The following MTA1 variants were observed in gnomAD, a reference collection of about 807,000 sequenced individuals.
MTA1 encodes metastasis-associated protein MTA1.
A neutral mutation model predicts 97.0 loss-of-function variants in MTA1; 15 were observed. That is an observed-to-expected ratio of 0.15 (90% CI 0.10 to 0.24). The LOEUF is 0.24. Among genes scored for constraint, MTA1 ranks in the 10% least tolerant of loss-of-function variants. MTA1 has a pLI of 1.00. For missense variants in MTA1, 709 were observed against 1,015.1 expected (o/e 0.70, Z 4.10); for synonymous variants, 435 against 417.5 (o/e 1.04, Z -0.51).
chr14:105,460,701 T>C, intron 9 of MTA1, 64 bp from the exon 10 acceptor site: 1 of 1,463,752 alleles, frequency 6.8e-7, no homozygotes, highest in Non-Finnish European at 9.1e-7. Context: ...AGGGAGGGGG[T>C]ACCGTGCCAC....
rs1353524047 is a variant in MTA1 at position 105,424,325 on chromosome 14, C to A, written c.28+4262C>A. ...TCTCCTGCCTCAGCCTCCCAAGTAGCTGGGACTACAGGCGCCCGCCACCAT... is the reference window on the plus strand; with the variant it reads ...TCTCCTGCCTCAGCCTCCCAAGTAGATGGGACTACAGGCGCCCGCCACCAT... On this transcript the variant is annotated intron_variant, in intron 1 of 20. Coordinates refer to ENST00000331320, the MANE Select transcript of MTA1 (RefSeq NM_004689.4). The surrounding 1 kb of genome is among the most constrained non-coding windows in gnomAD (Gnocchi z 4.0). 2.0e-5 allele frequency among the ~76,000 whole-genome samples: 3 copies of A among 152,068 alleles called. No individual in the cohort carries two copies. The highest frequency in any genetic ancestry group is 7.2e-5 in the African/African-American group (3 of 41,398).
chr14:105,420,035 C>G lies in MTA1; in HGVS notation c.-1C>G. 9.2e-7 allele frequency: 1 copy of G among 1,087,448 alleles called. No homozygotes were observed. The highest frequency in any genetic ancestry group is 1.1e-6 in the Non-Finnish European group (1 of 887,152). The allele number at this position is 1,087,448 out of a possible 1,614,324, so 67.4% of individuals were successfully genotyped here. On this transcript the variant is annotated 5_prime_UTR_variant, in exon 1 of 21. Transcript: ENST00000331320. The surrounding 1 kb of genome is among the most constrained non-coding windows in gnomAD (Gnocchi z 5.3). ...GCCCCTCCGCCGCCGCCGGCCCGGA[C>G]ATGGCCGCCAACATGTACAGGGTCG...
At chr14:105,443,135 C>T (rs782172128) in intron 2 of MTA1, among the ~76,000 whole-genome samples, 7 of 152,144 alleles carry the variant, frequency 4.6e-5, no homozygotes, top group South Asian at 2.1e-4. Flanking sequence ...GCCAACAAAG[C>T]GAGAACCCGG....
Sources: gnomAD v4.1 joint callset for allele counts (sites outside exome capture counted in the v4.1 genomes callset) on GRCh38, gnomAD v4.1.1 for gene constraint, Gnocchi (gnomAD v3.1) non-coding constraint, MANE v1.5 for transcripts, NCBI Gene and HGNC (gene_info 2026-07-23, HGNC 2026-07-21) for gene names.